NKAIN2: variants seen among roughly 807,000 people sequenced by gnomAD.
NKAIN2 encodes sodium/potassium-transporting ATPase subunit beta-1-interacting protein 2.
Under a neutral mutation model 32.6 loss-of-function variants are expected in NKAIN2, and 14 were observed. The observed-to-expected ratio is 0.43, with a 90% CI of 0.28 to 0.67. NKAIN2 has a LOEUF of 0.67. Among genes scored for constraint, NKAIN2 ranks in the 30% least tolerant of loss-of-function variants. The pLI is 0.17. For missense variants in NKAIN2, 198 were observed against 258.3 expected, an observed-to-expected ratio of 0.77 and a Z score of 1.60; for synonymous variants, 80 against 87.2, an observed-to-expected ratio of 0.92 and a Z score of 0.46.
intron 1 of NKAIN2, among the ~76,000 whole-genome samples, chr6:124,079,358 A>G (rs2114902182): frequency 6.6e-6 from 1 of 152,246 alleles, no homozygotes; most frequent in Admixed American, 6.6e-5. Flanking sequence ...ACTTCAAATT[A>G]GTAAATTTAG....
chr6:124,180,817 G>T (rs977402235), intron 1 of NKAIN2, among the ~76,000 whole-genome samples: 4 of 152,144 alleles, frequency 2.6e-5, no homozygotes, highest in Non-Finnish European at 5.9e-5. Context: ...CTGCTTTCAT[G>T]GGCTGGCATT....
intron 3 of NKAIN2, among the ~76,000 whole-genome samples, chr6:124,391,497 T>C (rs771434583): frequency 4.6e-5 from 7 of 152,046 alleles, no homozygotes; most frequent in Non-Finnish European, 1.0e-4. Flanking sequence ...CCTTTAACAA[T>C]TGGGAACATA....
intron 1 of NKAIN2, among the ~76,000 whole-genome samples, chr6:124,103,032 A>T (rs939326036): frequency 2.6e-5 from 4 of 152,184 alleles, no homozygotes; most frequent in Admixed American, 6.5e-5. Context: ...AAAATCGATG[A>T]CTAAGAGTTC....
intron 3 of NKAIN2, among the ~76,000 whole-genome samples, chr6:124,527,407 C>T (rs1268839077): frequency 6.6e-6 from 1 of 152,160 alleles, no homozygotes; most frequent in Non-Finnish European, 1.5e-5. Context: ...TTCCAAAACA[C>T]ACTATACTTT....
intron 3 of NKAIN2, among the ~76,000 whole-genome samples, chr6:124,473,513 G>A (rs907586013): frequency 1.3e-4 from 20 of 151,820 alleles, no homozygotes; most frequent in African/African-American, 4.6e-4. Flanking sequence ...TTTCCTTTGA[G>A]GTTTATGTAG....
chr6:124,019,843 C>T (rs1331997748), intron 1 of NKAIN2, among the ~76,000 whole-genome samples: 1 of 152,050 alleles, frequency 6.6e-6, no homozygotes, highest in Non-Finnish European at 1.5e-5. Context: ...AACCACTATT[C>T]TCCATTATAA....
At position 123,835,947 on chromosome 6, in the gene NKAIN2, G is replaced by A. The variant is rs76955629; in HGVS notation, c.54+31693G>A. Among the ~76,000 whole-genome samples the A allele has an allele frequency of 6.1e-3, 930 of 151,868 alleles. 8 individuals carry two copies. Among genetic ancestry groups the A allele is most frequent in the African/African-American group, 0.02 (848 of 41,376 alleles). ...TAAATCAAATACTCACCTGTAAAAC[G>A]TTCATTAAAATACACCTTCTCTACA... is the stretch of plus-strand genomic sequence containing the variant. On this transcript the variant is annotated intron_variant, in intron 1 of 6. Coordinates refer to ENST00000368417, the MANE Select transcript of NKAIN2 (RefSeq NM_001040214.3).
At chr6:124,410,461 A>G (rs1278553229) in intron 3 of NKAIN2, among the ~76,000 whole-genome samples, 13 of 152,186 alleles carry the variant, frequency 8.5e-5, no homozygotes, top group Non-Finnish European at 1.6e-4. Flanking sequence ...CCCAGTAGTC[A>G]TTCAGGAGCA....
intron 3 of NKAIN2, among the ~76,000 whole-genome samples, chr6:124,568,822 CAAAAAAA>C (rs3053601): frequency 9.9e-5 from 8 of 80,498 alleles, no homozygotes; most frequent in African/African-American, 1.1e-4. Context: ...AGCACTGTGG[CAAAAAAA>C]AAAAAAAAAA....
At chr6:124,279,674 A>G (rs1795205358) in intron 1 of NKAIN2, among the ~76,000 whole-genome samples, 1 of 152,224 alleles carries the variant, frequency 6.6e-6, no homozygotes, top group Admixed American at 6.5e-5. Context: ...ATTTTGTTTA[A>G]ATTTTATAAG....
At chr6:124,051,985 G>T (rs1417644390) in intron 1 of NKAIN2, among the ~76,000 whole-genome samples, 2 of 152,014 alleles carry the variant, frequency 1.3e-5, no homozygotes, top group African/African-American at 4.8e-5. Context: ...CCTGGGAGGG[G>T]CCAAGAAGCA....
At chr6:124,793,742 A>G (rs567462393) in intron 5 of NKAIN2, among the ~76,000 whole-genome samples, 1 of 151,922 alleles carries the variant, frequency 6.6e-6, no homozygotes, top group East Asian at 1.9e-4. Flanking sequence ...TAGAATGCAC[A>G]TTTATATATT....
intron 4 of NKAIN2, among the ~76,000 whole-genome samples, chr6:124,710,767 G>A (rs1277638103): frequency 2.0e-5 from 3 of 146,784 alleles, no homozygotes; most frequent in Non-Finnish European, 4.5e-5. Context: ...ACACTGATGG[G>A]TCTTGACTCT....
At chr6:124,199,497 A>G (rs1224537726) in intron 1 of NKAIN2, among the ~76,000 whole-genome samples, 1 of 152,162 alleles carries the variant, frequency 6.6e-6, no homozygotes, top group Non-Finnish European at 1.5e-5. Flanking sequence ...TGACATCTTC[A>G]AAGTGAAAAG....
At chr6:123,943,297 A>T (rs558654959) in intron 1 of NKAIN2, among the ~76,000 whole-genome samples, 1 of 152,184 alleles carries the variant, frequency 6.6e-6, no homozygotes, top group East Asian at 1.9e-4. Context: ...AAATACTTGA[A>T]TATTGGGACA....
intron 1 of NKAIN2, among the ~76,000 whole-genome samples, chr6:124,201,438 C>T (rs1010565938): frequency 5.3e-5 from 8 of 151,852 alleles, no homozygotes; most frequent in African/African-American, 1.7e-4. Flanking sequence ...GGAATTCTAG[C>T]GGGGAAAGTA....
At chr6:124,656,799 C>T (rs1361854320) in intron 3 of NKAIN2, among the ~76,000 whole-genome samples, 1 of 152,250 alleles carries the variant, frequency 6.6e-6, no homozygotes, top group East Asian at 1.9e-4. Flanking sequence ...AGGATCATTA[C>T]TTTAGATCCA....
At chr6:124,816,336 C>T (rs1211254763) in intron 5 of NKAIN2, among the ~76,000 whole-genome samples, 4 of 152,174 alleles carry the variant, frequency 2.6e-5, no homozygotes, top group African/African-American at 9.6e-5. Context: ...GAAACTGTTA[C>T]GGTACTCTAA....
chr6:124,097,256 C>T (rs561818471), intron 1 of NKAIN2, among the ~76,000 whole-genome samples: 72 of 151,996 alleles, frequency 4.7e-4, no homozygotes, highest in African/African-American at 1.5e-3. Context: ...AAAAATTAGC[C>T]GGGCATGGTG....
Sources: gnomAD v4.1 joint callset for allele counts (sites outside exome capture counted in the v4.1 genomes callset) on GRCh38, gnomAD v4.1.1 for gene constraint, MANE v1.5 for transcripts, NCBI Gene and HGNC (gene_info 2026-07-23, HGNC 2026-07-21) for gene names.